The following ECT2L variants were observed in gnomAD, a reference collection of about 807,000 sequenced individuals.
The protein encoded by ECT2L is epithelial cell transforming 2 like, also known as epithelial cell-transforming sequence 2 oncogene-like.
ECT2L carries 126 observed loss-of-function variants against 122.8 expected under a neutral mutation model. The observed-to-expected ratio is 1.03, with a 90% CI of 0.89 to 1.19. The LOEUF is 1.19. ECT2L is among the 50% of genes most tolerant of loss of function. The pLI, the probability that ECT2L is intolerant of heterozygous loss-of-function variation, is 0.00. For missense variants in ECT2L, 1,012 were observed against 1,064.1 expected (o/e 0.95, Z 0.68); for synonymous variants, 385 against 381.8 (o/e 1.01, Z -0.10).
chr6:138,820,977 T>G (rs549338930), intron 4 of ECT2L, among the ~76,000 whole-genome samples: 1 of 152,266 alleles, frequency 6.6e-6, no homozygotes, highest in South Asian at 2.1e-4. Flanking sequence ...CGCAATGGAA[T>G]GGGGTGGAGG....
chr6:138,874,817 G>C (rs1778384039), intron 13 of ECT2L, among the ~76,000 whole-genome samples: 1 of 152,102 alleles, frequency 6.6e-6, no homozygotes, highest in Non-Finnish European at 1.5e-5. Flanking sequence ...ATACTGGCTG[G>C]GCACAGTGGC....
At chr6:138,850,147 TTTC>T (rs1488178717) in intron 9 of ECT2L, among the ~76,000 whole-genome samples, 2 of 99,370 alleles carry the variant, frequency 2.0e-5, no homozygotes, top group African/African-American at 7.7e-5. Flanking sequence ...TTGTGACTTT[TTTC>T]TTTTTTCGAG....
At chr6:138,816,630 G>T (rs375324556) in intron 4 of ECT2L, among the ~76,000 whole-genome samples, 4 of 151,856 alleles carry the variant, frequency 2.6e-5, no homozygotes, top group Admixed American at 1.3e-4. Flanking sequence ...GACTACAGGC[G>T]CCCACCACCA....
intron 4 of ECT2L, among the ~76,000 whole-genome samples, chr6:138,822,067 A>AC (rs1231016419): frequency 6.6e-6 from 1 of 152,252 alleles, no homozygotes; most frequent in African/African-American, 2.4e-5. Context: ...AGCTTTGTTT[A>AC]CAAATTTGTT....
intron 1 of ECT2L, among the ~76,000 whole-genome samples, chr6:138,812,093 G>T (rs1273959616): frequency 6.6e-6 from 1 of 152,178 alleles, no homozygotes; most frequent in African/African-American, 2.4e-5. Flanking sequence ...AAACACCAGA[G>T]ATCTCTGTTT....
intron 16 of ECT2L, 58 bp downstream of exon 16, chr6:138,882,929 G>C (rs1778693577): frequency 6.4e-7 from 1 of 1,572,232 alleles, no homozygotes; most frequent in African/African-American, 1.4e-5. Context: ...GAAGTTACGT[G>C]TGGAACCCGA....
chr6:138,818,042 C>T (rs1342969647), intron 4 of ECT2L, among the ~76,000 whole-genome samples: 3 of 152,160 alleles, frequency 2.0e-5, no homozygotes, highest in African/African-American at 4.8e-5. Flanking sequence ...CTGGTGGAAC[C>T]GGTTTTGAAT....
At chr6:138,797,125 C>T (rs879821947) in intron 1 of ECT2L, among the ~76,000 whole-genome samples, 3 of 152,128 alleles carry the variant, frequency 2.0e-5, no homozygotes, top group Non-Finnish European at 4.4e-5. Context: ...CCTCAAAACA[C>T]GCCATTATTT....
chr6:138,834,381 T>C (rs2128385277), intron 4 of ECT2L, among the ~76,000 whole-genome samples: 1 of 152,318 alleles, frequency 6.6e-6, no homozygotes, highest in South Asian at 2.1e-4. Context: ...CTTCTTAAGA[T>C]TCATTATACT....
chr6:138,868,188 G>A lies in ECT2L; in HGVS notation c.1560G>A (p.Glu520=), dbSNP rs903099384. The A allele has an allele frequency of 1.9e-6, 3 of 1,612,776 alleles. No individual in the cohort carries two copies. The highest frequency in any genetic ancestry group is 3.3e-5 in the Admixed American group (2 of 59,862). The part of the protein sequence containing the change: ...TAQALADGLM[E]LSKEDSERNV... ...AAGCTCTGGCAGATGGATTGATGGAGTTGTCAAAAGAAGATTCTGTAAGTG... is the reference window on the plus strand; with the variant it reads ...AAGCTCTGGCAGATGGATTGATGGAATTGTCAAAAGAAGATTCTGTAAGTG... Residue 520 remains glutamate (E), a synonymous_variant, in exon 13 of 22, where the codon GAG becomes GAA. Coordinates refer to ENST00000541398, the MANE Select transcript of ECT2L (RefSeq NM_001077706.3).
intron 4 of ECT2L, among the ~76,000 whole-genome samples, chr6:138,831,359 C>A (rs1309861366): frequency 6.6e-6 from 1 of 152,208 alleles, no homozygotes. Flanking sequence ...AAAATTGTAA[C>A]CTTTAACATG....
chr6:138,860,707 A>ATTTT (rs35611410), intron 10 of ECT2L, among the ~76,000 whole-genome samples: 2,561 of 135,688 alleles, frequency 0.019, 63 homozygotes, highest in African/African-American at 0.064. Flanking sequence ...TGAAGGGGCT[A>ATTTT]TTTTTTTTTT....
intron 5 of ECT2L, among the ~76,000 whole-genome samples, chr6:138,839,191 T>TA (rs778549972): frequency 6.6e-6 from 1 of 152,186 alleles, no homozygotes; most frequent in African/African-American, 2.4e-5. Flanking sequence ...ACTAATCCCT[T>TA]ATTGTCTTAA....
At position 138,854,192 on chromosome 6, in the gene ECT2L, G is replaced by A. The variant is rs770404542; in HGVS notation, c.1198+38G>A. The A allele has an allele frequency of 2.2e-5, 34 of 1,568,290 alleles. No individual in the cohort carries two copies. The African/African-American group carries it at 4.2e-4, about 20-fold the overall frequency. On this transcript the variant is annotated intron_variant, in intron 10 of 21. Coordinates refer to ENST00000541398, the MANE Select transcript of ECT2L (RefSeq NM_001077706.3). The stretch of plus-strand genomic sequence containing the variant: ...CACCTTATAGAGAGACAGTGGCCAT[G>A]CCACTTCATGGGGATATGTTGTGAA...
rs150345992 is a variant in ECT2L, at chr6:138,838,360, A to G, written c.188A>G (p.Gln63Arg). 5.6e-6 allele frequency: 9 copies of G among 1,601,026 alleles called. No individual in the cohort carries two copies. Among genetic ancestry groups the G allele is most frequent in the African/African-American group, 1.4e-5 (1 of 74,006 alleles). Reference sequence around the variant, plus strand: ...TTTCTCTTTCTTTTTAGGTTTGTCCAAGACTGGTTTTCAGAAAGGATGCAA... The same window carrying G: ...TTTCTCTTTCTTTTTAGGTTTGTCCGAGACTGGTTTTCAGAAAGGATGCAA... ...RCTKSQLRFV[Q>R]DWFSERMQVA... The change falls in exon 5 of 22, where the codon CAA (glutamine) becomes CGA (arginine). Residue 63 changes from glutamine (Q) to arginine (R), a missense_variant. Transcript: ENST00000541398.
At chr6:138,846,458 C>A in intron 7 of ECT2L, 81 bp from the exon 8 acceptor site, 1 of 1,359,730 alleles carries the variant, frequency 7.4e-7, no homozygotes, top group South Asian at 1.6e-5. Flanking sequence ...AGAGCTGATG[C>A]CCAGAGACAT....
At position 138,863,902 on chromosome 6, in the gene ECT2L, G is replaced by A. The variant is rs149981429; in HGVS notation, c.1292-1094G>A. Reference sequence around the variant, plus strand: ...GTTGGGATTACAGGCGTGAGCCACCGCATCTGGCCGGGAACAGGTTTTCTT... The same window carrying A: ...GTTGGGATTACAGGCGTGAGCCACCACATCTGGCCGGGAACAGGTTTTCTT... On this transcript the variant is annotated intron_variant, in intron 11 of 21. Coordinates refer to ENST00000541398, the MANE Select transcript of ECT2L (RefSeq NM_001077706.3). 5.1e-3 allele frequency among the ~76,000 whole-genome samples: 714 copies of A among 140,660 alleles called. 4 individuals are homozygous for A. Among genetic ancestry groups the A allele is most frequent in the Non-Finnish European group, 6.9e-3 (453 of 65,988 alleles). 92.3% of individuals were successfully genotyped at this position (140,660 alleles called of 152,430 possible).
chr6:138,864,043 G>A (rs1243440971), intron 11 of ECT2L, among the ~76,000 whole-genome samples: 6 of 137,724 alleles, frequency 4.4e-5, no homozygotes, highest in Admixed American at 1.5e-4. Context: ...TGTTGTGGCC[G>A]GGCGCAGTGG....
intron 20 of ECT2L, among the ~76,000 whole-genome samples, chr6:138,889,629 C>G (rs1166489929): frequency 6.6e-6 from 1 of 152,118 alleles, no homozygotes; most frequent in Non-Finnish European, 1.5e-5. Flanking sequence ...CACTTTTCTA[C>G]TTAGCTAAGC....
Sources: allele counts gnomAD v4.1 joint callset (sites outside exome capture counted in the v4.1 genomes callset), GRCh38; gene constraint gnomAD v4.1.1; transcripts MANE v1.5; gene names NCBI Gene and HGNC (gene_info 2026-07-23, HGNC 2026-07-21).